Variants in COL13A1 observed in about 807,000 individuals in gnomAD.
COL13A1 encodes the protein collagen type XIII alpha 1 chain.
A neutral mutation model predicts 130.9 loss-of-function variants in COL13A1; 89 were observed. That is an observed-to-expected ratio of 0.68 (90% confidence interval 0.57 to 0.81). The LOEUF is 0.81. Ranked by LOEUF, COL13A1 falls within the 30% of genes least tolerant of loss-of-function variation. The pLI is 0.00. For missense variants in COL13A1, 879 were observed against 934.6 expected (o/e 0.94, Z 0.78); for synonymous variants, 402 against 341.6 (o/e 1.18, Z -1.95).
chr10:69,931,638 A>T (rs1211053670), intron 30 of COL13A1, among the ~76,000 whole-genome samples: 2 of 152,194 alleles, frequency 1.3e-5, no homozygotes, highest in African/African-American at 4.8e-5. Flanking sequence ...CACTGCCTCC[A>T]GACCTGTCCA....
chr10:69,908,694 T>A (rs113295870), intron 17 of COL13A1, among the ~76,000 whole-genome samples: 280 of 152,180 alleles, frequency 1.8e-3, no homozygotes, highest in African/African-American at 6.4e-3. Flanking sequence ...TAGACTCAGA[T>A]TGTAGGAAGA....
At position 69,895,680 on chromosome 10, in the gene COL13A1, TG is replaced by T. The variant is rs2061563478; in HGVS notation, c.684+109del. The T allele has an allele frequency of 7.6e-6, 10 of 1,317,460 alleles. No homozygotes were observed. The South Asian group carries it at 1.1e-4, about 14-fold the overall frequency. The allele number at this position is 1,317,460 out of a possible 1,614,324, so 81.6% of individuals were successfully genotyped here. On this transcript the variant is annotated intron_variant, in intron 13 of 40. Coordinates refer to ENST00000645393, the MANE Select transcript of COL13A1 (RefSeq NM_001368882.1). ...GGGGTCTCCAGTTACTAACAGATCA[TG>T]GGGGAGCAGGAGCACCCACTGCCCT...
chr10:69,838,838 G>A (rs576553164), intron 2 of COL13A1, among the ~76,000 whole-genome samples: 22 of 152,376 alleles, frequency 1.4e-4, no homozygotes, highest in African/African-American at 5.3e-4. Context: ...GTGGCCCTGA[G>A]TCTCTGGGCC....
chr10:69,917,058 C>A (rs1233038288), intron 17 of COL13A1, among the ~76,000 whole-genome samples: 2 of 152,158 alleles, frequency 1.3e-5, no homozygotes, highest in Admixed American at 6.5e-5. Context: ...AGGTAAGCCT[C>A]TCTGTCTGGG....
At position 69,822,426 on chromosome 10, in the gene COL13A1, A is replaced by G; in HGVS notation, c.352A>G (p.Asn118Asp). The G allele has an allele frequency of 6.3e-7, 1 of 1,593,086 alleles. No individual in the cohort carries two copies. The highest frequency in any genetic ancestry group is 8.5e-7 in the Non-Finnish European group (1 of 1,170,040). Residue 118 changes from asparagine (N) to aspartate (D), a missense_variant, in exon 2 of 41, where the codon AAC (asparagine) becomes GAC (aspartate). By Grantham distance (23) the Asn-to-Asp change is conservative. Transcript: ENST00000645393. ...GGCCCCAAAGACATCTCCAGGATGT[A>G]ACTGCCCACCAGGTAAGCAGCCCTG... ...REAPKTSPGC[N>D]CPPGPPGPTG...
intron 1 of COL13A1, among the ~76,000 whole-genome samples, chr10:69,812,914 T>C (rs1286386254): frequency 1.3e-5 from 2 of 152,202 alleles, no homozygotes; most frequent in Non-Finnish European, 2.9e-5. Context: ...TTTTCTGCCA[T>C]GAGCCAGACT....
intron 2 of COL13A1, among the ~76,000 whole-genome samples, chr10:69,846,925 G>A (rs1010436347): frequency 2.0e-5 from 3 of 152,204 alleles, no homozygotes; most frequent in Non-Finnish European, 4.4e-5. Flanking sequence ...TCAAGTGGGG[G>A]TGCTTCCCAG....
At chr10:69,946,675 C>A (rs138955170) in intron 37 of COL13A1, among the ~76,000 whole-genome samples, 5 of 152,240 alleles carry the variant, frequency 3.3e-5, no homozygotes, top group African/African-American at 7.2e-5. Flanking sequence ...TCCTGGCCCC[C>A]ACAAGCGCAT....
At chr10:69,803,549 G>A (rs1303425234) in intron 1 of COL13A1, among the ~76,000 whole-genome samples, 1 of 152,140 alleles carries the variant, frequency 6.6e-6, no homozygotes, top group Non-Finnish European at 1.5e-5. Context: ...GACAGCACAG[G>A]GGATTCAGGG....
chr10:69,919,031 C>T (rs2064281455), intron 19 of COL13A1, 31 bp from the exon 20 acceptor site: 1 of 1,613,914 alleles, frequency 6.2e-7, no homozygotes, highest in East Asian at 2.2e-5. Flanking sequence ...CTTTTTCTGT[C>T]TCTCACATTT....
chr10:69,886,799 G>A (rs2060634072), intron 7 of COL13A1, among the ~76,000 whole-genome samples: 1 of 152,120 alleles, frequency 6.6e-6, no homozygotes, highest in African/African-American at 2.4e-5. Flanking sequence ...ATAAATCACT[G>A]TGGTCAGTGA....
chr10:69,809,716 G>C (rs1212570039), intron 1 of COL13A1, among the ~76,000 whole-genome samples: 5 of 152,368 alleles, frequency 3.3e-5, no homozygotes, highest in Non-Finnish European at 7.3e-5. Flanking sequence ...GCTCCCAGAG[G>C]CAGTGTTTAC....
At chr10:69,852,688 TG>T (rs1414806971) in intron 2 of COL13A1, among the ~76,000 whole-genome samples, 2 of 152,246 alleles carry the variant, frequency 1.3e-5, no homozygotes, top group Non-Finnish European at 2.9e-5. Flanking sequence ...GTTGGGATGG[TG>T]GGCTGGGGGC....
At chr10:69,930,299 A>G (rs556476192) in intron 29 of COL13A1, 101 bp from the exon 30 acceptor site, 15 of 1,205,018 alleles carry the variant, frequency 1.2e-5, no homozygotes, top group Admixed American at 8.1e-5. Context: ...GCCCCAGACA[A>G]GCACCAAAGA....
intron 1 of COL13A1, among the ~76,000 whole-genome samples, chr10:69,811,135 T>C (rs1388757106): frequency 6.6e-6 from 1 of 152,162 alleles, no homozygotes; most frequent in Non-Finnish European, 1.5e-5. Flanking sequence ...GCCTGCCTCC[T>C]CAAGTCTGGG....
intron 10 of COL13A1, among the ~76,000 whole-genome samples, chr10:69,890,488 G>A (rs1342808129): frequency 6.6e-6 from 1 of 152,260 alleles, no homozygotes; most frequent in African/African-American, 2.4e-5. Flanking sequence ...GCAGGGTGGT[G>A]AAAGCAACGC....
At chr10:69,810,085 A>G (rs1842556053) in intron 1 of COL13A1, among the ~76,000 whole-genome samples, 1 of 152,176 alleles carries the variant, frequency 6.6e-6, no homozygotes, top group African/African-American at 2.4e-5. Flanking sequence ...TTTTAGAGCC[A>G]GAGAGGGGTA....
intron 13 of COL13A1, chr10:69,897,354 C>T: frequency 1.9e-6 from 2 of 1,053,930 alleles, no homozygotes; most frequent in Admixed American, 2.3e-5. Flanking sequence ...CCATTCCAGC[C>T]TGTGGCTTCC....
At chr10:69,886,993 AAC>A (rs2060652728) in intron 7 of COL13A1, among the ~76,000 whole-genome samples, 1 of 152,172 alleles carries the variant, frequency 6.6e-6, no homozygotes, top group African/African-American at 2.4e-5. Flanking sequence ...CTAGCCTGAA[AAC>A]ACACATTTTG....
Sources: allele counts gnomAD v4.1 joint callset (sites outside exome capture counted in the v4.1 genomes callset), GRCh38; gene constraint gnomAD v4.1.1; transcripts MANE v1.5; gene names NCBI Gene and HGNC (gene_info 2026-07-23, HGNC 2026-07-21).